Variants in NOPCHAP1 observed in about 807,000 individuals in gnomAD.
NOPCHAP1 encodes NOP protein chaperone 1, also known as DNA damage-sensitive RNA 1.
Under a neutral mutation model 14.0 loss-of-function variants are expected in NOPCHAP1, and 13 were observed. The ratio of observed to expected loss-of-function variants is 0.93; its 90% confidence interval spans 0.60 to 1.47. The LOEUF (loss-of-function observed/expected upper bound fraction) is 1.47, where lower values mean the gene tolerates loss of function less well. Ranked by LOEUF, NOPCHAP1 falls within the 40% of genes most tolerant of loss-of-function variation. NOPCHAP1 has a pLI of 0.00. For missense variants in NOPCHAP1, 230 were observed against 226.9 expected, an observed-to-expected ratio of 1.01 and a Z score of -0.09; for synonymous variants, 78 against 78.4, an observed-to-expected ratio of 1.00 and a Z score of 0.03.
At position 104,988,250 on chromosome 12, in the gene NOPCHAP1, C is replaced by T. The variant is rs374019637; in HGVS notation, c.199C>T (p.Pro67Ser). Residue 67 changes from proline (P) to serine (S), a missense_variant, in exon 2 of 4, where the codon CCC (proline) becomes TCC (serine). Transcript: ENST00000552951. ...TCAAACAGTTCGGATAGAGAGGAGT[C>T]CCTGTAAGTACCTCTTCCCCTCTCT... Reference protein sequence around the residue: ...TLQTVRIERSPLLDQVQTFLP... With the variant: ...TLQTVRIERSSLLDQVQTFLP... 5.6e-6 allele frequency: 9 copies of T among 1,606,024 alleles called. No individual in the cohort carries two copies. The highest frequency in any genetic ancestry group is 6.8e-6 in the Non-Finnish European group (8 of 1,173,770).
At position 105,012,532 on chromosome 12, in the gene NOPCHAP1, G is replaced by A. The variant is rs773483329; in HGVS notation, c.*17836G>A. On this transcript the variant is annotated 3_prime_UTR_variant, in exon 4 of 4. Transcript: ENST00000552951. ...CTCTGTCCAGTTTTGTTTCCTTGCT[G>A]GTGAGGAGTTGTGATCCTTTGGAGG... 7 of 152,190 alleles carry A rather than the reference G, an allele frequency of 4.6e-5. No individual in the cohort carries two copies. Among genetic ancestry groups the A allele is most frequent in the Non-Finnish European group, 8.8e-5 (6 of 68,036 alleles). The allele number at this position is 152,190 out of a possible 1,614,324, so 9.4% of individuals were successfully genotyped here. A position where few individuals can be genotyped will look rare whatever the true frequency, so the allele number is the denominator to read the frequency against.
chr12:105,014,313 G>A lies in NOPCHAP1; in HGVS notation c.*19617G>A, dbSNP rs1460598610. 1 of 152,134 alleles carries A rather than the reference G, an allele frequency of 6.6e-6. No homozygotes were observed. Among genetic ancestry groups the A allele is most frequent in the African/African-American group, 2.4e-5 (1 of 41,410 alleles). 9.4% of individuals were successfully genotyped at this position (152,134 alleles called of 1,614,324 possible). ...TTTTTATGGTAGAAATGATGAGATA[G>A]ACTGGTATCTACATATATTTAATGC... is the stretch of plus-strand genomic sequence containing the variant. On this transcript the variant is annotated 3_prime_UTR_variant, in exon 4 of 4. Transcript: ENST00000552951.
intron 2 of NOPCHAP1, 51 bp downstream of exon 2, chr12:104,988,304 A>G (rs1873291664): frequency 7.0e-7 from 1 of 1,437,202 alleles, no homozygotes; most frequent in Non-Finnish European, 9.7e-7. Flanking sequence ...GTTTTGTCTG[A>G]TTAAGCTGTG....
Position 105,016,137 on chromosome 12 carries a change from G to A in NOPCHAP1, c.*21441G>A, listed in dbSNP as rs887139292. The A allele has an allele frequency of 1.3e-5, 2 of 151,984 alleles. No individual in the cohort carries two copies. Among genetic ancestry groups the A allele is most frequent in the Admixed American group, 6.5e-5 (1 of 15,270 alleles). 9.4% of individuals were successfully genotyped at this position (151,984 alleles called of 1,614,324 possible). ...ATACTGGGGAAAATATCTGAAACAT[G>A]ACAGAGTGTCATTAATATATCATGG... On this transcript the variant is annotated 3_prime_UTR_variant, in exon 4 of 4. Transcript: ENST00000552951.
rs1297227348 is a variant in NOPCHAP1, at chr12:105,006,195, T to A, written c.*11499T>A. On this transcript the variant is annotated 3_prime_UTR_variant, in exon 4 of 4. Transcript: ENST00000552951. ...CACAGTTTTTTTCAGCACAAATTTA[T>A]TGTTTCAGGCTTGATGGCTTTCACA... 6.6e-6 allele frequency: 1 copy of A among 152,236 alleles called. No individual in the cohort carries two copies. Among genetic ancestry groups the A allele is most frequent in the East Asian group, 1.9e-4 (1 of 5,206 alleles). 9.4% of individuals were successfully genotyped at this position (152,236 alleles called of 1,614,324 possible).
Position 105,013,816 on chromosome 12 carries a change from C to T in NOPCHAP1, c.*19120C>T, listed in dbSNP as rs1443566827. The T allele has an allele frequency of 1.3e-5, 2 of 152,442 alleles. No individual in the cohort carries two copies. Among genetic ancestry groups the T allele is most frequent in the Non-Finnish European group, 2.9e-5 (2 of 68,256 alleles). 9.4% of individuals were successfully genotyped at this position (152,442 alleles called of 1,614,324 possible). ...TGTGCTTCCCAGGTGAGGCAACACC[C>T]CACCCTTCTTCTGCTCCCCATCCAT... is the stretch of plus-strand genomic sequence containing the variant. On this transcript the variant is annotated 3_prime_UTR_variant, in exon 4 of 4. Transcript: ENST00000552951.
At position 105,006,125 on chromosome 12, in the gene NOPCHAP1, A is replaced by T. The variant is rs1873704135; in HGVS notation, c.*11429A>T. 1 of 152,096 alleles carries T rather than the reference A, an allele frequency of 6.6e-6. No individual in the cohort carries two copies. The allele number at this position is 152,096 out of a possible 1,614,324, so 9.4% of individuals were successfully genotyped here. ...CACAATCTCTTTCATGATTTCCTTGATTGGCTCTGTCGTAAATCTTATGAA... is the reference window on the plus strand; with the variant it reads ...CACAATCTCTTTCATGATTTCCTTGTTTGGCTCTGTCGTAAATCTTATGAA... On this transcript the variant is annotated 3_prime_UTR_variant, in exon 4 of 4. Coordinates refer to ENST00000552951, the MANE Select transcript of NOPCHAP1 (RefSeq NM_152318.3).
Position 105,008,479 on chromosome 12 carries a change from T to G in NOPCHAP1, c.*13783T>G, listed in dbSNP as rs913266062. On this transcript the variant is annotated 3_prime_UTR_variant, in exon 4 of 4. Transcript: ENST00000552951. The stretch of plus-strand genomic sequence containing the variant: ...GTTTATTTTGCTGTGCAGAAGCTCT[T>G]TAGTTTAATTAGATCCCATTTGTCT... 4 of 152,242 alleles carry G rather than the reference T, an allele frequency of 2.6e-5. No individual in the cohort carries two copies. Among genetic ancestry groups the G allele is most frequent in the Admixed American group, 6.5e-5 (1 of 15,276 alleles). 9.4% of individuals were successfully genotyped at this position (152,242 alleles called of 1,614,324 possible).
At position 105,003,445 on chromosome 12, in the gene NOPCHAP1, G is replaced by A. The variant is rs1181927685; in HGVS notation, c.*8749G>A. On this transcript the variant is annotated 3_prime_UTR_variant, in exon 4 of 4. Coordinates refer to ENST00000552951, the MANE Select transcript of NOPCHAP1 (RefSeq NM_152318.3). ...TGGACCCAGTCTCTGGACCCTGTTT[G>A]GTAAAAGAATTGTTCAAGTAAATTT... The A allele has an allele frequency of 1.3e-5, 2 of 152,126 alleles. No individual in the cohort carries two copies. The highest frequency in any genetic ancestry group is 4.8e-5 in the African/African-American group (2 of 41,432). The allele number at this position is 152,126 out of a possible 1,614,324, so 9.4% of individuals were successfully genotyped here. A position where few individuals can be genotyped will look rare whatever the true frequency, so the allele number is the denominator to read the frequency against.
At position 105,016,175 on chromosome 12, in the gene NOPCHAP1, T is replaced by C. The variant is rs1873941949; in HGVS notation, c.*21479T>C. The stretch of plus-strand genomic sequence containing the variant: ...TAATATATCATGGGCTTTTACATTT[T>C]AGAAAAAAATGACGGATATCTCAGT... On this transcript the variant is annotated 3_prime_UTR_variant, in exon 4 of 4. Coordinates refer to ENST00000552951, the MANE Select transcript of NOPCHAP1 (RefSeq NM_152318.3). 6.6e-6 allele frequency: 1 copy of C among 152,108 alleles called. No homozygotes were observed. Among genetic ancestry groups the C allele is most frequent in the African/African-American group, 2.4e-5 (1 of 41,432 alleles). 9.4% of individuals were successfully genotyped at this position (152,108 alleles called of 1,614,324 possible). A position where few individuals can be genotyped will look rare whatever the true frequency, so the allele number is the denominator to read the frequency against.
At chr12:104,991,143 C>T (rs141521741) in intron 2 of NOPCHAP1, among the ~76,000 whole-genome samples, 59 of 152,252 alleles carry the variant, frequency 3.9e-4, no homozygotes, top group African/African-American at 1.1e-3. Context: ...ACTAGAGCAG[C>T]GTGTCACTGT....
In NOPCHAP1 at chr12:104,994,836, C is replaced by T. The variant is rs1873464890; in HGVS notation, c.*140C>T. ...AAAACTTTAGACAAGTTAAATTTGA[C>T]AGAGTTTCTTTGGGCAAAGAATGAT... On this transcript the variant is annotated 3_prime_UTR_variant, in exon 4 of 4. Coordinates refer to ENST00000552951, the MANE Select transcript of NOPCHAP1 (RefSeq NM_152318.3). 1 of 752,220 alleles carries T rather than the reference C, an allele frequency of 1.3e-6. No homozygotes were observed. Among genetic ancestry groups the T allele is most frequent in the Non-Finnish European group, 2.2e-6 (1 of 459,834 alleles). The allele number at this position is 752,220 out of a possible 1,614,324, so 46.6% of individuals were successfully genotyped here. A position where few individuals can be genotyped will look rare whatever the true frequency, so the allele number is the denominator to read the frequency against.
At position 105,000,028 on chromosome 12, in the gene NOPCHAP1, C is replaced by G. The variant is rs1873578254; in HGVS notation, c.*5332C>G. The G allele has an allele frequency of 1.3e-5, 2 of 152,240 alleles. No individual in the cohort carries two copies. The highest frequency in any genetic ancestry group is 1.3e-4 in the Admixed American group (2 of 15,284). The allele number at this position is 152,240 out of a possible 1,614,324, so 9.4% of individuals were successfully genotyped here. A position where few individuals can be genotyped will look rare whatever the true frequency, so the allele number is the denominator to read the frequency against. ...TCTAGCTGATCATCTTGCCTCCAAC[C>G]TGTTCCCTTTATAGCATAATGTGTA... On this transcript the variant is annotated 3_prime_UTR_variant, in exon 4 of 4. Transcript: ENST00000552951.
At position 105,014,054 on chromosome 12, in the gene NOPCHAP1, T is replaced by C. The variant is rs1268598514; in HGVS notation, c.*19358T>C. Reference sequence around the variant, plus strand: ...GAACTGTTCACACAGAGATGATTAGTGTCACATGGTATCGTGAGTAGATAC... The same window carrying C: ...GAACTGTTCACACAGAGATGATTAGCGTCACATGGTATCGTGAGTAGATAC... On this transcript the variant is annotated 3_prime_UTR_variant, in exon 4 of 4. Coordinates refer to ENST00000552951, the MANE Select transcript of NOPCHAP1 (RefSeq NM_152318.3). 6.6e-6 allele frequency: 1 copy of C among 152,240 alleles called. No individual in the cohort carries two copies. Among genetic ancestry groups the C allele is most frequent in the Non-Finnish European group, 1.5e-5 (1 of 68,042 alleles). The allele number at this position is 152,240 out of a possible 1,614,324, so 9.4% of individuals were successfully genotyped here.
chr12:105,010,351 T>C lies in NOPCHAP1; in HGVS notation c.*15655T>C, dbSNP rs1873794547. ...CTTTATCATTTTTTATTGTGTCTGT[T>C]TGATTCTTCTCTCTTTTCTTCTTTA... is the stretch of plus-strand genomic sequence containing the variant. On this transcript the variant is annotated 3_prime_UTR_variant, in exon 4 of 4. Transcript: ENST00000552951. 1 of 152,186 alleles carries C rather than the reference T, an allele frequency of 6.6e-6. No homozygotes were observed. The highest frequency in any genetic ancestry group is 1.5e-5 in the Non-Finnish European group (1 of 68,024). 9.4% of individuals were successfully genotyped at this position (152,186 alleles called of 1,614,324 possible). A position where few individuals can be genotyped will look rare whatever the true frequency, so the allele number is the denominator to read the frequency against.
At position 104,986,439 on chromosome 12, in the gene NOPCHAP1, G is replaced by A; in HGVS notation, c.87G>A (p.Leu29=). 6.2e-7 allele frequency: 1 copy of A among 1,607,452 alleles called. No homozygotes were observed. Among genetic ancestry groups the A allele is most frequent in the African/African-American group, 1.3e-5 (1 of 74,748 alleles). Residue 29 remains leucine, a synonymous_variant, in exon 1 of 4, where the codon CTG becomes CTA. Coordinates refer to ENST00000552951, the MANE Select transcript of NOPCHAP1 (RefSeq NM_152318.3). ...DSSGVPVSKE[L]LTAGSDGRGG... The stretch of plus-strand genomic sequence containing the variant: ...CAGGAGTCCCAGTGTCCAAGGAGCT[G>A]CTGACGGCGGGAAGCGACGGCCGCG...
At chr12:104,993,960 T>C (rs567271860) in intron 3 of NOPCHAP1, among the ~76,000 whole-genome samples, 123 of 152,372 alleles carry the variant, frequency 8.1e-4, no homozygotes, top group African/African-American at 2.5e-3. Context: ...CCGTAGCAGA[T>C]ATTTTAGACA....
At chr12:104,992,057 A>T (rs1873388952) in intron 3 of NOPCHAP1, among the ~76,000 whole-genome samples, 1 of 152,146 alleles carries the variant, frequency 6.6e-6, no homozygotes. Flanking sequence ...CAAATGCTAC[A>T]TTTGTTATTC....
chr12:104,987,794 T>C (rs938939641), intron 1 of NOPCHAP1, among the ~76,000 whole-genome samples: 3 of 152,236 alleles, frequency 2.0e-5, no homozygotes, highest in African/African-American at 7.2e-5. Context: ...TGCCCAGTGT[T>C]ACACAACTAG....
Sources: allele counts gnomAD v4.1 joint callset (sites outside exome capture counted in the v4.1 genomes callset), GRCh38; gene constraint gnomAD v4.1.1; transcripts MANE v1.5; gene names NCBI Gene and HGNC (gene_info 2026-07-23, HGNC 2026-07-21).